UNC80: variants seen among roughly 807,000 people sequenced by gnomAD.
UNC80 encodes the protein protein unc-80 homolog.
Under a neutral mutation model 384.6 loss-of-function variants are expected in UNC80, and 164 were observed. The ratio of observed to expected loss-of-function variants is 0.43; its 90% CI spans 0.38 to 0.49. The LOEUF (loss-of-function observed/expected upper bound fraction) is 0.49. UNC80 is among the 20% of genes least tolerant of loss of function. UNC80 has a pLI of 0.00. For synonymous variants in UNC80, 1,486 were observed against 1,527.8 expected, an observed-to-expected ratio of 0.97 and a Z score of 0.64; for missense variants, 3,330 against 4,143.0, an observed-to-expected ratio of 0.80 and a Z score of 5.39.
chr2:209,934,744 A>G (rs2091126463), intron 39 of UNC80, among the ~76,000 whole-genome samples: 1 of 152,212 alleles, frequency 6.6e-6, no homozygotes, highest in Admixed American at 6.5e-5. Context: ...TGTGTATAAA[A>G]TAGGGATATA....
intron 61 of UNC80, among the ~76,000 whole-genome samples, chr2:209,988,542 G>T (rs1332175610): frequency 6.6e-6 from 1 of 152,016 alleles, no homozygotes; most frequent in East Asian, 1.9e-4. Flanking sequence ...GTGCATAAAA[G>T]ATATACTTTA....
Position 209,959,145 on chromosome 2 carries a change from A to G in UNC80, c.7577A>G (p.His2526Arg), listed in dbSNP as rs1185180385. ...TACCAGGAACAAGGAGCCAAACTGC[A>G]CTTTATCAGGTACAGAAAGACTTGC... is the stretch of plus-strand genomic sequence containing the variant. ...TRYQEQGAKL[H>R]FIRENLHLLE... The change falls in exon 50 of 65, where the codon CAC becomes CGC. Residue 2526 changes from histidine (H) to arginine (R), a missense_variant. Around this residue, in one of 8 missense-constraint regions of UNC80, gnomAD observed 1,049 missense variants for 1,488.6 expected, o/e 0.70. Transcript: ENST00000673920. 1 of 1,552,108 alleles carries G rather than the reference A, an allele frequency of 6.4e-7. No individual in the cohort carries two copies. The highest frequency in any genetic ancestry group is 2.4e-5 in the East Asian group (1 of 40,906).
intron 26 of UNC80, among the ~76,000 whole-genome samples, chr2:209,891,358 C>G (rs1433701703): frequency 6.6e-6 from 1 of 152,038 alleles, no homozygotes; most frequent in African/African-American, 2.4e-5. Flanking sequence ...TCAAATATTA[C>G]TTACTTCAGA....
At chr2:209,822,834 A>G (rs2080238100) in intron 13 of UNC80, among the ~76,000 whole-genome samples, 2 of 152,198 alleles carry the variant, frequency 1.3e-5, no homozygotes. Context: ...TATTTTGACC[A>G]GAGTTATCAC....
At chr2:209,922,189 A>G in intron 34 of UNC80, 63 bp from the exon 35 acceptor site, 1 of 1,530,536 alleles carries the variant, frequency 6.5e-7, no homozygotes, top group Non-Finnish European at 8.8e-7. Flanking sequence ...TACAACAACA[A>G]TGTGATAATA....
Position 209,943,494 on chromosome 2 carries a change from G to A in UNC80, c.7030G>A (p.Ala2344Thr), listed in dbSNP as rs75230120. 10 of 1,551,512 alleles carry A rather than the reference G, an allele frequency of 6.4e-6. No homozygotes were observed. The Admixed American group carries it at 1.2e-4, about 18-fold the overall frequency. ...PFVLQLFASV[A>T]PLLEFPDAAN... ...TGTGCTCCAGCTGTTTGCTAGTGTG[G>A]CCCCTCTCCTGGAATTTCCTGTAAG... The change falls in exon 45 of 65, where the codon GCC (alanine) becomes ACC (threonine). Residue 2344 changes from alanine (A) to threonine (T), a missense_variant. Transcript: ENST00000673920.
At position 209,954,263 on chromosome 2, in the gene UNC80, C is replaced by T; in HGVS notation, c.7450C>T (p.Leu2484Phe). The part of the protein sequence containing the change: ...LQALLYSVEV[L>F]TRPMTAPQMS... ...GGCCCTTTTGTACAGTGTAGAGGTC[C>T]TCACCAGGTAATCCCATTGGCAGAA... The change falls in exon 48 of 65, where the codon CTC becomes TTC. Residue 2484 changes from leucine (L) to phenylalanine (F), a missense_variant. By Grantham distance (22) the Leu-to-Phe change is conservative. This residue lies in a region of UNC80 where 1,049 missense variants were observed against 1,488.6 expected (regional missense o/e 0.70). Transcript: ENST00000673920. The T allele has an allele frequency of 1.3e-6, 2 of 1,491,848 alleles. No homozygotes were observed. The highest frequency in any genetic ancestry group is 1.8e-6 in the Non-Finnish European group (2 of 1,118,616). 92.4% of individuals were successfully genotyped at this position (1,491,848 alleles called of 1,614,324 possible).
chr2:209,775,662 G>T (rs921746373), intron 2 of UNC80, among the ~76,000 whole-genome samples: 2 of 152,106 alleles, frequency 1.3e-5, no homozygotes, highest in African/African-American at 4.8e-5. Flanking sequence ...TGGCTCAAAA[G>T]CCTGCAAATG....
Position 209,820,311 on chromosome 2 carries a change from G to C in UNC80, c.1963G>C (p.Val655Leu). The C allele has an allele frequency of 6.5e-7, 1 of 1,531,486 alleles. No individual in the cohort carries two copies. 94.9% of individuals were successfully genotyped at this position (1,531,486 alleles called of 1,614,324 possible). A position where few individuals can be genotyped will look rare whatever the true frequency, so the allele number is the denominator to read the frequency against. ...GCTGTGTTTATCTTGTTTTCCTCAG[G>C]TAGTTCTGAAGGCTGTTTATCTTGT... ...VHKNGMLDLS[V>L]VLKAVYLVLN... is the part of the protein sequence containing the mutation. The change falls in exon 13 of 65, where the codon GTA becomes CTA. Residue 655 changes from valine (V) to leucine (L), a missense_variant and splice_region_variant. This residue lies in a region of UNC80 where 937 missense variants were observed against 1,026.8 expected (regional missense o/e 0.91). Coordinates refer to ENST00000673920, the MANE Select transcript of UNC80 (RefSeq NM_001371986.1).
At chr2:209,836,016 G>A (rs2081313290) in intron 18 of UNC80, among the ~76,000 whole-genome samples, 1 of 152,174 alleles carries the variant, frequency 6.6e-6, no homozygotes, top group African/African-American at 2.4e-5. Context: ...GGGAACATGT[G>A]AGTTTTTGCA....
chr2:209,782,214 G>A (rs189172367), intron 4 of UNC80, among the ~76,000 whole-genome samples: 22 of 152,180 alleles, frequency 1.4e-4, no homozygotes, highest in Middle Eastern at 3.4e-3. Context: ...TTAATTTCTC[G>A]TCATACAGAG....
At chr2:209,927,491 A>T (rs2090525425) in intron 36 of UNC80, among the ~76,000 whole-genome samples, 2 of 152,228 alleles carry the variant, frequency 1.3e-5, no homozygotes, top group Admixed American at 6.5e-5. Flanking sequence ...ATAATTTTTT[A>T]AAACCCCATT....
intron 18 of UNC80, among the ~76,000 whole-genome samples, chr2:209,837,832 C>T (rs369237766): frequency 7.3e-5 from 11 of 149,984 alleles, no homozygotes; most frequent in African/African-American, 2.7e-4. Context: ...AGTGCAGTGG[C>T]GCTATCTCGG....
At chr2:209,909,159 C>A (rs975778443) in intron 29 of UNC80, among the ~76,000 whole-genome samples, 2 of 152,290 alleles carry the variant, frequency 1.3e-5, no homozygotes, top group Non-Finnish European at 2.9e-5. Context: ...CAGGCACCTA[C>A]TCCAGAAGTT....
chr2:209,776,128 TTC>T, intron 3 of UNC80, 83 bp downstream of exon 3: 1 of 1,539,128 alleles, frequency 6.5e-7, no homozygotes, highest in Non-Finnish European at 8.8e-7. Context: ...ACTGAGTAGT[TTC>T]TGTTTTCTCA....
At chr2:209,974,191 G>A (rs931946998) in intron 56 of UNC80, among the ~76,000 whole-genome samples, 1 of 152,178 alleles carries the variant, frequency 6.6e-6, no homozygotes, top group African/African-American at 2.4e-5. Context: ...ATGAAAATGA[G>A]TCCTTGGAGT....
Position 209,912,573 on chromosome 2 carries a change from C to A in UNC80, c.4796C>A (p.Ser1599Ter). The change falls in exon 30 of 65, where the codon TCA (serine) becomes TAA (stop). Residue 1599 changes from serine to a stop codon, truncating the protein, a stop_gained. Coordinates refer to ENST00000673920, the MANE Select transcript of UNC80 (RefSeq NM_001371986.1). LOFTEE classifies it high-confidence loss of function. ...GKKQKECSDK[S>*]CLRTPSLKKR... is the part of the protein sequence containing the mutation. ...TGGTCTTTTCAGTGCTCAGATAAGT[C>A]ATGCCTGAGGACACCTTCTCTAAAG... The A allele has an allele frequency of 6.4e-7, 1 of 1,550,656 alleles. No individual in the cohort carries two copies. Among genetic ancestry groups the A allele is most frequent in the South Asian group, 1.2e-5 (1 of 83,908 alleles).
At chr2:209,988,596 TA>T (rs1430967428) in intron 61 of UNC80, among the ~76,000 whole-genome samples, 16 of 152,292 alleles carry the variant, frequency 1.1e-4, no homozygotes, top group African/African-American at 3.1e-4. Context: ...TAGTATCAGG[TA>T]TATATTTCAT....
chr2:209,972,385 C>T, intron 55 of UNC80, 61 bp downstream of exon 55: 1 of 1,530,838 alleles, frequency 6.5e-7, no homozygotes, highest in South Asian at 1.2e-5. Flanking sequence ...AAATGTCAGG[C>T]TGTTATTTCT....
Sources: allele counts gnomAD v4.1 joint callset (sites outside exome capture counted in the v4.1 genomes callset), GRCh38; gene constraint gnomAD v4.1.1; regional missense constraint gnomAD v4.1.1; transcripts MANE v1.5; gene names NCBI Gene and HGNC (gene_info 2026-07-23, HGNC 2026-07-21).